RNF128: variants seen among roughly 807,000 people sequenced by gnomAD.
RNF128 encodes E3 ubiquitin-protein ligase RNF128.
In RNF128, 13 loss-of-function variants were observed where a neutral mutation model predicts 26.2. The ratio of observed to expected loss-of-function variants is 0.50; its 90% CI spans 0.32 to 0.79. The LOEUF (loss-of-function observed/expected upper bound fraction) is 0.79. RNF128 is among the 30% of genes least tolerant of loss of function. RNF128 has a pLI of 0.03. For missense variants in RNF128, 315 were observed against 349.7 expected, an observed-to-expected ratio of 0.90 and a Z score of 0.79; for synonymous variants, 149 against 142.5, an observed-to-expected ratio of 1.05 and a Z score of -0.32.
chrX:106,750,996 A>G (rs1929873823), intron 1 of RNF128, among the ~76,000 whole-genome samples: 1 of 111,894 alleles, frequency 8.9e-6, no homozygotes, highest in Non-Finnish European at 1.9e-5. Context: ...ATCAGTATCT[A>G]TTAGTTAAGA....
At chrX:106,793,809 C>T (rs1930869067) in intron 6 of RNF128, among the ~76,000 whole-genome samples, 1 of 111,033 alleles carries the variant, frequency 9.0e-6, no homozygotes. Context: ...TTTCAGTGCC[C>T]CCATATCATA....
chrX:106,718,600 C>G (rs1044444070), intron 1 of RNF128, among the ~76,000 whole-genome samples: 7 of 109,698 alleles, frequency 6.4e-5, no homozygotes, highest in Non-Finnish European at 5.7e-5. Flanking sequence ...TGCTCTGATT[C>G]AATGCATCTG....
intron 1 of RNF128, among the ~76,000 whole-genome samples, chrX:106,767,230 G>A (rs780484612): frequency 3.6e-4 from 40 of 111,711 alleles, no homozygotes; most frequent in East Asian, 5.6e-4. Context: ...CTTTAAAGTA[G>A]TTTTTTCCAA....
intron 1 of RNF128, chrX:106,694,533 C>T (rs1928845258): frequency 2.5e-6 from 1 of 395,587 alleles, no homozygotes; most frequent in Non-Finnish European, 4.1e-6. Context: ...ATTTTCTTGC[C>T]TGGCACAACT....
At chrX:106,780,600 T>G (rs1303193627) in intron 2 of RNF128, among the ~76,000 whole-genome samples, 1 of 112,105 alleles carries the variant, frequency 8.9e-6, no homozygotes, top group Non-Finnish European at 1.9e-5. Context: ...TTTTTAAAAT[T>G]CCCCAAATCA....
chrX:106,725,052 C>A (rs755877966), upstream of RNF128, among the ~76,000 whole-genome samples: 12 of 112,140 alleles, frequency 1.1e-4, no homozygotes, highest in African/African-American at 3.6e-4. Context: ...CTTCAAAGTA[C>A]AATATAGTTG....
intron 2 of RNF128, among the ~76,000 whole-genome samples, chrX:106,776,150 T>G (rs1265472818): frequency 8.9e-6 from 1 of 112,591 alleles, no homozygotes; most frequent in East Asian, 2.8e-4. Flanking sequence ...ATGGGAAACC[T>G]TATGGCATAC....
chrX:106,769,548 T>TG (rs1930328763), intron 1 of RNF128, among the ~76,000 whole-genome samples: 3 of 80,076 alleles, frequency 3.7e-5, no homozygotes, highest in Admixed American at 2.4e-4. Context: ...CCTGCTTTGT[T>TG]TTTTTTTTTT....
rs946077189 is a variant in RNF128 at position 106,726,756 on chromosome X, C to T, written c.-158C>T. The T allele has an allele frequency of 4.7e-5, 50 of 1,062,463 alleles. No homozygotes were observed. Among genetic ancestry groups the T allele is most frequent in the Non-Finnish European group, 5.9e-5 (49 of 829,754 alleles). 87.6% of individuals were successfully genotyped at this position (1,062,463 alleles called of 1,213,427 possible). On this transcript the variant is annotated 5_prime_UTR_variant, in exon 1 of 7. Coordinates refer to ENST00000255499, the MANE Select transcript of RNF128 (RefSeq NM_194463.2). Reference sequence around the variant, plus strand: ...AGCTGCATCTGCGGCAACCTGTGTGCTGACGCTACGTGCCTCCTGGCTCCG... The same window carrying T: ...AGCTGCATCTGCGGCAACCTGTGTGTTGACGCTACGTGCCTCCTGGCTCCG...
At chrX:106,769,249 G>A (rs1930318008) in intron 1 of RNF128, among the ~76,000 whole-genome samples, 1 of 111,526 alleles carries the variant, frequency 9.0e-6, no homozygotes, top group Non-Finnish European at 1.9e-5. Context: ...GCAGCGCTAA[G>A]TTCAGTTCCT....
At chrX:106,786,478 A>G (rs1602391927) in intron 3 of RNF128, among the ~76,000 whole-genome samples, 1 of 111,827 alleles carries the variant, frequency 8.9e-6, no homozygotes, top group Admixed American at 9.6e-5. Flanking sequence ...AGACCTTAAC[A>G]TAAAACCTAG....
intron 6 of RNF128, among the ~76,000 whole-genome samples, 186 bp from the exon 7 acceptor site, chrX:106,795,394 A>G (rs773371960): frequency 8.9e-6 from 1 of 111,969 alleles, no homozygotes; most frequent in East Asian, 2.8e-4. Flanking sequence ...TCAATATAAT[A>G]ATGCCATATG....
At position 106,694,610 on chromosome X, in the gene RNF128, A is replaced by G. The variant is rs188609516; in HGVS notation, c.406+202A>G. On this transcript the variant is annotated intron_variant, in intron 1 of 6. Transcript: ENST00000324342. The stretch of plus-strand genomic sequence containing the variant: ...TTCCAAAGACAGTAGCAATTCATGA[A>G]GTGATTCCTATTTTCTTTCATGTTT... 6.3e-3 allele frequency among the ~76,000 whole-genome samples: 705 copies of G among 111,558 alleles called. 3 individuals are homozygous for G. The highest frequency in any genetic ancestry group is 9.3e-3 in the Middle Eastern group (2 of 216).
At chrX:106,769,792 A>G (rs760036525) in intron 1 of RNF128, among the ~76,000 whole-genome samples, 17 of 110,509 alleles carry the variant, frequency 1.5e-4, no homozygotes, top group Admixed American at 1.4e-3. Context: ...TCCTGTCATT[A>G]TGATGTTAGC....
At chrX:106,717,046 T>C (rs765038572) in intron 1 of RNF128, among the ~76,000 whole-genome samples, 28 of 109,871 alleles carry the variant, frequency 2.5e-4, no homozygotes, top group Non-Finnish European at 4.9e-4. Flanking sequence ...ACTAAAAATA[T>C]ATAAAAATTA....
At chrX:106,794,313 A>G (rs1930878228) in intron 6 of RNF128, among the ~76,000 whole-genome samples, 1 of 111,537 alleles carries the variant, frequency 9.0e-6, no homozygotes, top group Non-Finnish European at 1.9e-5. Flanking sequence ...ACTTTCTGGT[A>G]ACACAAGGTG....
intron 1 of RNF128, among the ~76,000 whole-genome samples, chrX:106,714,712 G>A (rs1016729697): frequency 8.9e-6 from 1 of 111,744 alleles, no homozygotes; most frequent in African/African-American, 3.3e-5. Context: ...CCTCCGCCCC[G>A]TAACCCCTTA....
At chrX:106,751,388 A>T (rs1234709231) in intron 1 of RNF128, among the ~76,000 whole-genome samples, 1 of 110,615 alleles carries the variant, frequency 9.0e-6, no homozygotes, top group Non-Finnish European at 1.9e-5. Flanking sequence ...GAGCATTTAG[A>T]CCAGCCCTAG....
chrX:106,748,323 G>T (rs1929822314), intron 1 of RNF128, among the ~76,000 whole-genome samples: 1 of 112,126 alleles, frequency 8.9e-6, no homozygotes, highest in African/African-American at 3.2e-5. Flanking sequence ...ATATGGTGTT[G>T]TTTTATTATG....
Sources: gnomAD v4.1 joint callset for allele counts (sites outside exome capture counted in the v4.1 genomes callset) on GRCh38, gnomAD v4.1.1 for gene constraint, MANE v1.5 for transcripts, NCBI Gene and HGNC (gene_info 2026-07-23, HGNC 2026-07-21) for gene names.